Variants in PRSS36 observed in about 807,000 individuals in gnomAD.
PRSS36 encodes polyserase-2.
Under a neutral mutation model 94.3 loss-of-function variants are expected in PRSS36, and 90 were observed. The observed-to-expected ratio is 0.95, with a 90% confidence interval of 0.80 to 1.14. The LOEUF is 1.14. Among genes scored for constraint, PRSS36 ranks in the 50% most tolerant of loss-of-function variants. The pLI, the probability that PRSS36 is intolerant of heterozygous loss-of-function variation, is 0.00. For synonymous variants in PRSS36, 500 were observed against 489.6 expected (o/e 1.02, Z -0.28); for missense variants, 1,158 against 1,135.0 (o/e 1.02, Z -0.29).
chr16:31,148,556 T>C lies in PRSS36; in HGVS notation c.392A>G (p.Tyr131Cys). The change falls in exon 5 of 15, where the codon TAC becomes TGC. Residue 131 changes from tyrosine to cysteine, a missense_variant. Transcript: ENST00000268281. ...GTCGGCGCCCAGCTCCACTTGGCTG[T>C]AGTTGGCCGGCACCACGATGGCGGC... ...AVAAIVVPAN[Y>C]SQVELGADLA... is the part of the protein sequence containing the mutation. 1.2e-6 allele frequency: 2 copies of C among 1,607,520 alleles called. No homozygotes were observed. Among genetic ancestry groups the C allele is most frequent in the South Asian group, 2.2e-5 (2 of 90,828 alleles).
At chr16:31,140,841 T>C in intron 12 of PRSS36, 84 bp from the exon 13 acceptor site, 2 of 1,464,570 alleles carry the variant, frequency 1.4e-6, no homozygotes, top group Non-Finnish European at 1.9e-6. Flanking sequence ...GATGACTCTC[T>C]GGGGTCATGC....
chr16:31,148,727 G>A, intron 4 of PRSS36, 52 bp from the exon 5 acceptor site: 2 of 1,599,560 alleles, frequency 1.3e-6, no homozygotes, highest in Non-Finnish European at 1.7e-6. Flanking sequence ...GGAGGGGGCA[G>A]ACCCTCGTTG....
In PRSS36 at chr16:31,142,552, G is replaced by A. The variant is rs2057719952; in HGVS notation, c.1450C>T (p.Pro484Ser). ...GCGTGCGGCGGGTCTCCGGGCAGCG[G>A]TACTGCCGCCCCCTGGCGGCCGTAC... ...CLYGRQGAAVPLPGDPPHALC... is the reference protein window; with the variant it reads ...CLYGRQGAAVSLPGDPPHALC... The change falls in exon 10 of 15, where the codon CCG becomes TCG. Residue 484 changes from proline (P) to serine (S), a missense_variant. Physicochemically the swap from Pro to Ser is moderately conservative, Grantham distance 74 (BLOSUM62 -1). Coordinates refer to ENST00000268281, the MANE Select transcript of PRSS36 (RefSeq NM_173502.5). The A allele has an allele frequency of 1.3e-5, 20 of 1,525,788 alleles. No homozygotes were observed. The highest frequency in any genetic ancestry group is 1.8e-5 in the Non-Finnish European group (20 of 1,140,584). The allele number at this position is 1,525,788 out of a possible 1,614,324, so 94.5% of individuals were successfully genotyped here. A position where few individuals can be genotyped will look rare whatever the true frequency, so the allele number is the denominator to read the frequency against.
rs146890727 is a variant in PRSS36 at position 31,140,539 on chromosome 16, G to A, written c.2120C>T (p.Pro707Leu). ...GCCCAACACCCAGCAGCTGGCCCCC[G>A]GGGGGATACCCGCCGGGTGGAGACA... ...PICLHPAGIPPGASCWVLGWK... is the reference protein window; with the variant it reads ...PICLHPAGIPLGASCWVLGWK... The change falls in exon 13 of 15, where the codon CCG becomes CTG. Residue 707 changes from proline (P) to leucine (L), a missense_variant. Transcript: ENST00000268281. 1.5e-3 allele frequency: 2,411 copies of A among 1,579,920 alleles called. 10 individuals are homozygous for A. Among genetic ancestry groups the A allele is most frequent in the South Asian group, 1.7e-3 (146 of 84,720 alleles).
chr16:31,146,185 G>A (rs1402975719), intron 5 of PRSS36, among the ~76,000 whole-genome samples: 2 of 152,238 alleles, frequency 1.3e-5, no homozygotes, highest in African/African-American at 2.4e-5. Context: ...GCATGGTTGT[G>A]CAGGTTGTGC....
intron 14 of PRSS36, 145 bp downstream of exon 14, chr16:31,140,149 C>T (rs151090398): frequency 9.9e-6 from 8 of 804,236 alleles, no homozygotes; most frequent in African/African-American, 1.8e-5. Context: ...CGAGATCGCG[C>T]CACTGCACTC....
rs1567454974 is a variant in PRSS36 at position 31,148,617 on chromosome 16, C to T, written c.331G>A (p.Asp111Asn). Residue 111 changes from aspartate to asparagine, a missense_variant, in exon 5 of 15, where the codon GAC becomes AAC. Physicochemically the swap from Asp to Asn is conservative, Grantham distance 23 (BLOSUM62 1). Coordinates refer to ENST00000268281, the MANE Select transcript of PRSS36 (RefSeq NM_173502.5). The part of the protein sequence containing the change: ...WSVLLGVHSQ[D>N]GPLDGAHTRA... ...GTGTGCGCGCCGTCCAGGGGCCCGTCCTGGGAGTGCACGCCCAGCAGTACC... is the reference window on the plus strand; with the variant it reads ...GTGTGCGCGCCGTCCAGGGGCCCGTTCTGGGAGTGCACGCCCAGCAGTACC... The T allele has an allele frequency of 6.2e-7, 1 of 1,612,260 alleles. No homozygotes were observed. The highest frequency in any genetic ancestry group is 8.5e-7 in the Non-Finnish European group (1 of 1,179,604).
chr16:31,144,392 C>T (rs1408986922), intron 6 of PRSS36, among the ~76,000 whole-genome samples: 2 of 152,174 alleles, frequency 1.3e-5, no homozygotes, highest in African/African-American at 4.8e-5. Flanking sequence ...CCAGGCTGGT[C>T]TCAAACTCTC....
At chr16:31,149,584 G>T in intron 2 of PRSS36, 86 bp from the exon 3 acceptor site, 2 of 1,603,068 alleles carry the variant, frequency 1.2e-6, no homozygotes, top group Non-Finnish European at 8.5e-7. Flanking sequence ...TCCAACCCCC[G>T]ACCCTATCTT....
At position 31,139,411 on chromosome 16, in the gene PRSS36, G is replaced by A. The variant is rs1216188923; in HGVS notation, c.2295C>T (p.Thr765=). 1 of 1,613,220 alleles carries A rather than the reference G, an allele frequency of 6.2e-7. No individual in the cohort carries two copies. The highest frequency in any genetic ancestry group is 8.5e-7 in the Non-Finnish European group (1 of 1,179,426). Residue 765 remains threonine, a synonymous_variant, in exon 15 of 15, where the codon ACC becomes ACT. Transcript: ENST00000268281. ...AEGQENRCEM[T]SAPPLLCQMT... ...TCTGGCACAGGAGGGGCGGTGCTGA[G>A]GTCATCTGCAGAGTTGGAGCGAGGC... is the stretch of plus-strand genomic sequence containing the variant.
intron 10 of PRSS36, 22 bp from the exon 11 acceptor site, chr16:31,141,982 G>T: frequency 6.2e-7 from 1 of 1,602,758 alleles, no homozygotes; most frequent in Non-Finnish European, 8.5e-7. Context: ...AAGTGTGTGT[G>T]TTACTTGCCT....
intron 3 of PRSS36, 58 bp downstream of exon 3, chr16:31,149,405 T>C: frequency 6.2e-7 from 1 of 1,603,134 alleles, no homozygotes. Context: ...ACCTCCCTCA[T>C]GGCCTGACCA....
intron 14 of PRSS36, among the ~76,000 whole-genome samples, chr16:31,139,879 CAAAAAAAAAAAA>C (rs71151448): frequency 2.4e-5 from 1 of 42,504 alleles, no homozygotes; most frequent in African/African-American, 1.1e-4. Flanking sequence ...GACTCAGTCT[CAAAAAAAAAAAA>C]AAAAAAAAAA....
rs61729752 is a variant in PRSS36, at chr16:31,140,301, C to T, written c.2282G>A (p.Arg761Lys). ...CVLYAEGQEN[R>K]CEMTSAPPLL... Reference sequence around the variant, plus strand: ...ACGCCCAGGCCCCTGTACCTCACACCTGTTCTCCTGCCCCTCTGCATACAG... The same window carrying T: ...ACGCCCAGGCCCCTGTACCTCACACTTGTTCTCCTGCCCCTCTGCATACAG... The change falls in exon 14 of 15, where the codon AGG becomes AAG. Residue 761 changes from arginine (R) to lysine (K), a missense_variant. By Grantham distance (26) the Arg-to-Lys change is conservative. Coordinates refer to ENST00000268281, the MANE Select transcript of PRSS36 (RefSeq NM_173502.5). 2.9e-3 allele frequency: 4,609 copies of T among 1,611,226 alleles called. 114 individuals carry two copies. In the African/African-American group the frequency reaches 0.055, roughly 19 times the overall value.
chr16:31,145,417 T>TTAAA (rs1163392340), intron 6 of PRSS36, among the ~76,000 whole-genome samples: 35 of 129,444 alleles, frequency 2.7e-4, no homozygotes, highest in South Asian at 7.5e-4. Context: ...AAAAAATAAA[T>TTAAA]TAAATAAATA....
At chr16:31,149,022 G>C (rs186483286) in intron 4 of PRSS36, 51 bp downstream of exon 4, 2 of 1,511,606 alleles carry the variant, frequency 1.3e-6, no homozygotes, top group South Asian at 1.3e-5. Context: ...AACTGCGGGG[G>C]CGGGGGCCAG....
chr16:31,141,698 T>C (rs976314766), intron 11 of PRSS36, 25 bp downstream of exon 11: 10 of 1,608,030 alleles, frequency 6.2e-6, no homozygotes, highest in Non-Finnish European at 8.5e-6. Flanking sequence ...CAGGAGCCCC[T>C]AGGGCCCAAA....
In PRSS36 at chr16:31,140,548, C is replaced by G; in HGVS notation, c.2111G>C (p.Gly704Ala). The G allele has an allele frequency of 6.3e-7, 1 of 1,582,894 alleles. No homozygotes were observed. The highest frequency in any genetic ancestry group is 8.6e-7 in the Non-Finnish European group (1 of 1,163,986). The change falls in exon 13 of 15, where the codon GGT becomes GCT. Residue 704 changes from glycine to alanine, a missense_variant. Transcript: ENST00000268281. ...SALPICLHPA[G>A]IPPGASCWVL... The stretch of plus-strand genomic sequence containing the variant: ...CCAGCAGCTGGCCCCCGGGGGGATA[C>G]CCGCCGGGTGGAGACAGATGGGCAG...
intron 12 of PRSS36, among the ~76,000 whole-genome samples, chr16:31,141,148 TC>T (rs2057680863): frequency 6.6e-6 from 1 of 152,152 alleles, no homozygotes; most frequent in Non-Finnish European, 1.5e-5. Context: ...CGTCTTGAAC[TC>T]CTGACCTCAT....
Sources: allele counts gnomAD v4.1 joint callset (sites outside exome capture counted in the v4.1 genomes callset), GRCh38; gene constraint gnomAD v4.1.1; transcripts MANE v1.5; gene names NCBI Gene and HGNC (gene_info 2026-07-23, HGNC 2026-07-21).